Variants in LRRC53 observed in about 807,000 individuals in gnomAD.
LRRC53 encodes leucine rich repeat containing 53.
Under a neutral mutation model 13.6 loss-of-function variants are expected in LRRC53, and 25 were observed. That is an observed-to-expected ratio of 1.83 (90% CI 1.34 to 2.56). LRRC53 has a LOEUF of 2.56. Among genes scored for constraint, LRRC53 ranks in the 30% most tolerant of loss-of-function variants. LRRC53 has a pLI of 0.00. For synonymous variants in LRRC53, 204 were observed against 109.8 expected (o/e 1.86, Z -5.37); for missense variants, 527 against 275.8 (o/e 1.91, Z -6.45).
At chr1:74,515,160 C>G (rs1025365076), upstream of LRRC53, among the ~76,000 whole-genome samples, 1 of 152,110 alleles carries the variant, frequency 6.6e-6, no homozygotes, top group African/African-American at 2.4e-5. Context: ...TGAAAGAATA[C>G]ATTTCTGTTG....
chr1:74,478,084 G>T (rs1668293735), intron 3 of LRRC53, among the ~76,000 whole-genome samples: 1 of 152,102 alleles, frequency 6.6e-6, no homozygotes, highest in African/African-American at 2.4e-5. Flanking sequence ...GAAGAAAATG[G>T]TCTCATAGGC....
chr1:74,476,607 T>G (rs1040702578), intron 3 of LRRC53, among the ~76,000 whole-genome samples: 1 of 152,136 alleles, frequency 6.6e-6, no homozygotes, highest in East Asian at 1.9e-4. Flanking sequence ...GGATTCTGTT[T>G]ATGAATTCTG....
chr1:74,514,860 G>C (rs1342875897), upstream of LRRC53, among the ~76,000 whole-genome samples: 1 of 152,176 alleles, frequency 6.6e-6, no homozygotes, highest in Non-Finnish European at 1.5e-5. Flanking sequence ...TTTGGAAACA[G>C]GGTTGTTGCA....
chr1:74,516,983 G>A (rs1253931932), upstream of LRRC53, among the ~76,000 whole-genome samples: 2 of 152,114 alleles, frequency 1.3e-5, no homozygotes, highest in African/African-American at 2.4e-5. Context: ...ATGCTCCCAT[G>A]AGCATCATTA....
At chr1:74,502,286 A>C (rs1669672716) in intron 1 of LRRC53, among the ~76,000 whole-genome samples, 2 of 152,330 alleles carry the variant, frequency 1.3e-5, no homozygotes, top group African/African-American at 4.8e-5. Flanking sequence ...TGCCCGGTAC[A>C]TGGTAGGTGC....
chr1:74,498,635 A>G (rs1056002822), intron 1 of LRRC53, among the ~76,000 whole-genome samples: 4 of 152,190 alleles, frequency 2.6e-5, no homozygotes, highest in African/African-American at 7.2e-5. Flanking sequence ...TCTGGCATTC[A>G]GATTTTTTTG....
chr1:74,526,369 GA>G, the LRRC53 span, among the ~76,000 whole-genome samples: 5 of 152,108 alleles, frequency 3.3e-5, no homozygotes, highest in Non-Finnish European at 7.4e-5. Context: ...TTGGTTTTGT[GA>G]TTTTTATTTA....
Position 74,475,115 on chromosome 1 carries a change from C to CA in LRRC53, c.1420+179_1420+180insT, listed in dbSNP as rs1491165322. ...TAAGAACACTTCATCTCCACCTCAG[C>CA]CCACACACACACACACACACACACA... On this transcript the variant is annotated intron_variant, in intron 4 of 4. Transcript: ENST00000294635. Among the ~76,000 whole-genome samples the CA allele has an allele frequency of 1.3e-3, 167 of 131,516 alleles. 2 individuals carry two copies. Among genetic ancestry groups the CA allele is most frequent in the Middle Eastern group, 0.011 (3 of 264 alleles). The allele number at this position is 131,516 out of a possible 152,430, so 86.3% of individuals were successfully genotyped here. A position where few individuals can be genotyped will look rare whatever the true frequency, so the allele number is the denominator to read the frequency against.
chr1:74,475,022 C>T (rs2100746354), intron 4 of LRRC53, among the ~76,000 whole-genome samples: 1 of 151,010 alleles, frequency 6.6e-6, no homozygotes, highest in South Asian at 2.1e-4. Flanking sequence ...CTTTTTTTAA[C>T]ATTGTTAGGT....
intron 2 of LRRC53, among the ~76,000 whole-genome samples, chr1:74,482,479 G>A (rs1276587959): frequency 1.3e-5 from 2 of 152,154 alleles, no homozygotes; most frequent in Non-Finnish European, 2.9e-5. Flanking sequence ...GATTAGAAAC[G>A]ATATACACAT....
intron 1 of LRRC53, among the ~76,000 whole-genome samples, chr1:74,489,743 T>C (rs1015195897): frequency 6.6e-6 from 1 of 152,192 alleles, no homozygotes; most frequent in African/African-American, 2.4e-5. Flanking sequence ...AATGGAATTT[T>C]CTTGCCTTAT....
chr1:74,529,442 G>C, the LRRC53 span, among the ~76,000 whole-genome samples: 1 of 152,202 alleles, frequency 6.6e-6, no homozygotes. Flanking sequence ...GGAAATTCAA[G>C]TAGAGATGGA....
At chr1:74,502,398 T>A (rs1669678200) in intron 1 of LRRC53, among the ~76,000 whole-genome samples, 1 of 152,196 alleles carries the variant, frequency 6.6e-6, no homozygotes, top group African/African-American at 2.4e-5. Context: ...TTTCTATTTT[T>A]TAGATAAAAC....
At position 74,491,945 on chromosome 1, in the gene LRRC53, T is replaced by G. The variant is rs45510492; in HGVS notation, c.-26-8570A>C. 3.5e-4 allele frequency: 424 copies of G among 1,219,902 alleles called. 3 individuals are homozygous for G. In the African/African-American group the frequency reaches 5.4e-3, roughly 16 times the overall value. 75.6% of individuals were successfully genotyped at this position (1,219,902 alleles called of 1,614,324 possible). A position where few individuals can be genotyped will look rare whatever the true frequency, so the allele number is the denominator to read the frequency against. On this transcript the variant is annotated intron_variant, in intron 1 of 4. Transcript: ENST00000294635. ...AGCTAGGCAGATGTTGCCACTAGAC[T>G]TTTTCCTGAAAGGAAAAGCCAGGAG...
intron 3 of LRRC53, among the ~76,000 whole-genome samples, chr1:74,479,354 T>A (rs1236139888): frequency 6.6e-6 from 1 of 152,252 alleles, no homozygotes; most frequent in African/African-American, 2.4e-5. Context: ...GATGCATAGT[T>A]TCATAAATTT....
intron 1 of LRRC53, among the ~76,000 whole-genome samples, chr1:74,510,775 T>C (rs1670148664): frequency 6.6e-6 from 1 of 152,238 alleles, no homozygotes; most frequent in Admixed American, 6.5e-5. Flanking sequence ...CTCACAAATG[T>C]GTGTTGATTT....
rs1667929718 is a variant in LRRC53, at chr1:74,471,474, G to C, written c.2148C>G (p.Asn716Lys). 2.5e-6 allele frequency: 1 copy of C among 400,516 alleles called. No individual in the cohort carries two copies. Among genetic ancestry groups the C allele is most frequent in the African/African-American group, 2.1e-5 (1 of 48,690 alleles). The allele number at this position is 400,516 out of a possible 1,614,324, so 24.8% of individuals were successfully genotyped here. Residue 716 changes from asparagine (N) to lysine (K), a missense_variant, in exon 5 of 5, where the codon AAC becomes AAG. Transcript: ENST00000294635. ...SDLKGKIKGQNLKLNLHPFRK... is the reference protein window; with the variant it reads ...SDLKGKIKGQKLKLNLHPFRK... ...TAAAAGGATGTAAATTTAATTTTAA[G>C]TTTTGTCCTTTAATTTTCCCTTTGA...
chr1:74,527,444 A>G, the LRRC53 span, among the ~76,000 whole-genome samples: 1 of 152,236 alleles, frequency 6.6e-6, no homozygotes, highest in Admixed American at 6.5e-5. Flanking sequence ...GTAAATGACA[A>G]AAACAAGTCT....
chr1:74,488,769 T>G (rs1206497646), intron 1 of LRRC53, among the ~76,000 whole-genome samples: 3 of 152,322 alleles, frequency 2.0e-5, no homozygotes, highest in Admixed American at 1.3e-4. Flanking sequence ...GAGATGATCT[T>G]TTCAAAAGTG....
Sources: allele counts gnomAD v4.1 joint callset (sites outside exome capture counted in the v4.1 genomes callset), GRCh38; gene constraint gnomAD v4.1.1; transcripts MANE v1.5; gene names NCBI Gene and HGNC (gene_info 2026-07-23, HGNC 2026-07-21).